TEX55: variants seen among roughly 807,000 people sequenced by gnomAD.
The protein encoded by TEX55 is testis expressed 55, also known as testis-specific expressed protein 55.
TEX55 carries 31 observed loss-of-function variants against 44.6 expected under a neutral mutation model. The ratio of observed to expected loss-of-function variants is 0.69; its 90% confidence interval spans 0.52 to 0.94. The LOEUF is 0.94. Ranked by LOEUF, TEX55 falls within the 40% of genes least tolerant of loss-of-function variation. TEX55 has a pLI of 0.00. For synonymous variants in TEX55, 230 were observed against 230.9 expected, an observed-to-expected ratio of 1.00 and a Z score of 0.04; for missense variants, 639 against 638.4, an observed-to-expected ratio of 1.00 and a Z score of -0.01.
In TEX55 at chr3:119,146,247, G is replaced by A. The variant is rs559349551; in HGVS notation, c.58G>A (p.Ala20Thr). The A allele has an allele frequency of 6.2e-7, 1 of 1,613,166 alleles. No individual in the cohort carries two copies. The highest frequency in any genetic ancestry group is 2.2e-5 in the East Asian group (1 of 44,806). The change falls in exon 1 of 3, where the codon GCT becomes ACT. Residue 20 changes from alanine to threonine, a missense_variant. Coordinates refer to ENST00000295622, the MANE Select transcript of TEX55 (RefSeq NM_152539.3). ...ACCCTTGAAACATGAAAGCCCAGCC[G>A]CTCCCTCAAGTGCTGGCCACACTAA... ...AEPLKHESPA[A>T]PSSAGHTKGQ...
chr3:119,150,319 T>C (rs1270830377), intron 2 of TEX55, among the ~76,000 whole-genome samples: 1 of 75,054 alleles, frequency 1.3e-5, no homozygotes, highest in Non-Finnish European at 2.8e-5. Context: ...ATTTTATAAT[T>C]TTCTTCACCT....
chr3:119,151,436 A>C lies in TEX55; in HGVS notation c.*144A>C. The C allele has an allele frequency of 3.4e-6, 2 of 596,206 alleles. No homozygotes were observed. The highest frequency in any genetic ancestry group is 5.6e-6 in the Non-Finnish European group (2 of 357,910). 36.9% of individuals were successfully genotyped at this position (596,206 alleles called of 1,614,324 possible). On this transcript the variant is annotated 3_prime_UTR_variant, in exon 3 of 3. Coordinates refer to ENST00000295622, the MANE Select transcript of TEX55 (RefSeq NM_152539.3). ...TAACTACCATTCAAGTTTTTAAAAA[A>C]TAAATAAAACATAACCAGCATCCCA...
intron 2 of TEX55, among the ~76,000 whole-genome samples, chr3:119,150,287 T>C (rs1025278248): frequency 4.6e-5 from 7 of 152,116 alleles, no homozygotes; most frequent in South Asian, 2.1e-4. Flanking sequence ...GAGACTTCCA[T>C]TGAGACAGTA....
In TEX55 at chr3:119,146,516, AC is replaced by A. The variant is rs773087099; in HGVS notation, c.329del (p.Pro110ArgfsTer28). 6.2e-6 allele frequency: 10 copies of A among 1,613,994 alleles called. No individual in the cohort carries two copies. The East Asian group carries it at 2.2e-4, about 36-fold the overall frequency. Reference protein sequence around the residue: ...LRADDQVNQTPSEQTKGKASS... With the variant: ...LRADDQVNQTXSEQTKGKASS... Reference sequence around the variant, plus strand: ...GAGCAGATGATCAGGTTAATCAAACACCGTCTGAACAGACTAAAGGCAAGGC... The same window carrying A: ...GAGCAGATGATCAGGTTAATCAAACACGTCTGAACAGACTAAAGGCAAGGC... On this transcript the variant is annotated frameshift_variant, in exon 1 of 3. Transcript: ENST00000295622. LOFTEE classifies it high-confidence loss of function.
Position 119,151,411 on chromosome 3 carries a change from T to C in TEX55, c.*119T>C. On this transcript the variant is annotated 3_prime_UTR_variant, in exon 3 of 3. Transcript: ENST00000295622. ...AATTCTTATGAAGTAAACATACCTG[T>C]AACTACCATTCAAGTTTTTAAAAAA... The C allele has an allele frequency of 1.4e-6, 1 of 726,288 alleles. No individual in the cohort carries two copies. Among genetic ancestry groups the C allele is most frequent in the Non-Finnish European group, 2.2e-6 (1 of 452,432 alleles). 45.0% of individuals were successfully genotyped at this position (726,288 alleles called of 1,614,324 possible). A position where few individuals can be genotyped will look rare whatever the true frequency, so the allele number is the denominator to read the frequency against.
intron 2 of TEX55, 137 bp from the exon 3 acceptor site, chr3:119,151,087 C>T: frequency 3.1e-6 from 2 of 645,636 alleles, no homozygotes; most frequent in Non-Finnish European, 5.6e-6. Context: ...TCTTGGGTGA[C>T]AGAGTGGGAA....
intron 1 of TEX55, 73 bp downstream of exon 1, chr3:119,147,660 G>C (rs765380942): frequency 7.7e-7 from 1 of 1,299,440 alleles, no homozygotes; most frequent in Non-Finnish European, 1.1e-6. Flanking sequence ...GTAAAAATAG[G>C]GGTACAACGG....
At chr3:119,148,531 T>C (rs2077752330) in intron 2 of TEX55, among the ~76,000 whole-genome samples, 1 of 152,090 alleles carries the variant, frequency 6.6e-6, no homozygotes, top group African/African-American at 2.4e-5. Context: ...GGTTGGTTGA[T>C]AGGGAAAAAC....
intron 2 of TEX55, among the ~76,000 whole-genome samples, chr3:119,149,858 A>G (rs561089089): frequency 6.6e-6 from 1 of 152,314 alleles, no homozygotes; most frequent in South Asian, 2.1e-4. Context: ...ATATACTTTA[A>G]AATTGCTTCT....
rs754105345 is a variant in TEX55, at chr3:119,147,544, A to G, written c.1355A>G (p.Tyr452Cys). The G allele has an allele frequency of 1.3e-5, 21 of 1,613,108 alleles. No homozygotes were observed. The highest frequency in any genetic ancestry group is 1.8e-5 in the Non-Finnish European group (21 of 1,179,846). Residue 452 changes from tyrosine (Y) to cysteine (C), a missense_variant, in exon 1 of 3, where the codon TAT (tyrosine) becomes TGT (cysteine). Physicochemically the swap from Tyr to Cys is radical, Grantham distance 194 (BLOSUM62 -2). Coordinates refer to ENST00000295622, the MANE Select transcript of TEX55 (RefSeq NM_152539.3). ...RLPSISSKLNYTSSQEKTQAI... is the reference protein window; with the variant it reads ...RLPSISSKLNCTSSQEKTQAI... ...CCCTCCATCTCATCCAAATTGAACT[A>G]TACCAGCAGTCAAGAAAAAACTCAA...
At chr3:119,147,677 A>C in intron 1 of TEX55, 90 bp downstream of exon 1, 1 of 1,054,440 alleles carries the variant, frequency 9.5e-7, no homozygotes, top group East Asian at 2.4e-5. Context: ...ACGGAAGGGC[A>C]CATGTTGCAT....
chr3:119,147,888 T>C lies in TEX55; in HGVS notation c.1399-292T>C, dbSNP rs150293157. 6.6e-4 allele frequency among the ~76,000 whole-genome samples: 100 copies of C among 152,322 alleles called. No homozygotes were observed. In the East Asian group the frequency reaches 0.018, roughly 28 times the overall value. The stretch of plus-strand genomic sequence containing the variant: ...AACTAACTCTGTGATATTAAGTCAT[T>C]TTCCCTCTCTGGGCTTCTACCAGGA... On this transcript the variant is annotated intron_variant, in intron 1 of 2. Transcript: ENST00000295622.
chr3:119,146,536 G>A lies in TEX55; in HGVS notation c.347G>A (p.Gly116Asp). ...CAAACACCGTCTGAACAGACTAAAG[G>A]CAAGGCATCTAGCCAAGCTAATAAT... ...VNQTPSEQTK[G>D]KASSQANNVQ... Residue 116 changes from glycine (G) to aspartate (D), a missense_variant, in exon 1 of 3, where the codon GGC (glycine) becomes GAC (aspartate). Coordinates refer to ENST00000295622, the MANE Select transcript of TEX55 (RefSeq NM_152539.3). 6.2e-7 allele frequency: 1 copy of A among 1,613,954 alleles called. No homozygotes were observed. The highest frequency in any genetic ancestry group is 1.7e-5 in the Admixed American group (1 of 60,016).
Position 119,147,418 on chromosome 3 carries a change from T to G in TEX55, c.1229T>G (p.Met410Arg). 6.2e-7 allele frequency: 1 copy of G among 1,614,146 alleles called. No individual in the cohort carries two copies. Among genetic ancestry groups the G allele is most frequent in the Non-Finnish European group, 8.5e-7 (1 of 1,180,038 alleles). The change falls in exon 1 of 3, where the codon ATG becomes AGG. Residue 410 changes from methionine (M) to arginine (R), a missense_variant. Met to Arg is a moderately conservative substitution (Grantham distance 91, BLOSUM62 -1). Transcript: ENST00000295622. ...VDLNSKPSVE[M>R]ETQNATTIPP... ...CTCAATTCCAAGCCTTCAGTTGAAA[T>G]GGAAACTCAGAATGCAACCACTATC... is the stretch of plus-strand genomic sequence containing the variant.
In TEX55 at chr3:119,151,233, G is replaced by A. The variant is rs1243579694; in HGVS notation, c.1552G>A (p.Glu518Lys). Reference protein sequence around the residue: ...HILQIFQQITENLVYEKPEDP... With the variant: ...HILQIFQQITKNLVYEKPEDP... ...ATGCTCTCTTTCTCAGCAGATTACT[G>A]AAAACTTAGTCTATGAAAAGCCAGA... The change falls in exon 3 of 3, where the codon GAA becomes AAA. Residue 518 changes from glutamate (E) to lysine (K), a missense_variant. Transcript: ENST00000295622. 1 of 1,610,516 alleles carries A rather than the reference G, an allele frequency of 6.2e-7. No individual in the cohort carries two copies. The highest frequency in any genetic ancestry group is 1.3e-5 in the African/African-American group (1 of 74,798).
In TEX55 at chr3:119,148,270, T is replaced by A. The variant is rs2077749651; in HGVS notation, c.1489T>A (p.Tyr497Asn). 6.2e-7 allele frequency: 1 copy of A among 1,612,910 alleles called. No individual in the cohort carries two copies. The stretch of plus-strand genomic sequence containing the variant: ...CCCTTCTATAGTTTATGAAGATCCT[T>A]ACCAAGTTTCACTCCAATACATGGA... ...RFPSIVYEDPYQVSLQYMEKH... is the reference protein window; with the variant it reads ...RFPSIVYEDPNQVSLQYMEKH... Residue 497 changes from tyrosine to asparagine, a missense_variant, in exon 2 of 3, where the codon TAC becomes AAC. Tyr to Asn is a moderately radical substitution (Grantham distance 143). Transcript: ENST00000295622.
chr3:119,148,385 T>G, intron 2 of TEX55, 62 bp downstream of exon 2: 2 of 1,490,910 alleles, frequency 1.3e-6, no homozygotes, highest in Non-Finnish European at 1.8e-6. Flanking sequence ...AAAGAGTGTA[T>G]TCTGTAAAAA....
rs759549022 is a variant in TEX55 at position 119,151,238 on chromosome 3, C to T, written c.1557C>T (p.Asn519=). ...ILQIFQQITE[N]LVYEKPEDPL... Reference sequence around the variant, plus strand: ...CTCTTTCTCAGCAGATTACTGAAAACTTAGTCTATGAAAAGCCAGAGGACC... The same window carrying T: ...CTCTTTCTCAGCAGATTACTGAAAATTTAGTCTATGAAAAGCCAGAGGACC... Residue 519 remains asparagine (N), a synonymous_variant, in exon 3 of 3, where the codon AAC becomes AAT. Coordinates refer to ENST00000295622, the MANE Select transcript of TEX55 (RefSeq NM_152539.3). 1 of 1,611,928 alleles carries T rather than the reference C, an allele frequency of 6.2e-7. No individual in the cohort carries two copies.
Position 119,147,239 on chromosome 3 carries a change from A to AAT in TEX55, c.1050_1051insAT (p.Asp351MetfsTer28). Reference sequence around the variant, plus strand: ...AATCTGACCAGACTGACCACTTAGCAGACAGACAAGCTAATCATAAAGACC... The same window carrying AAT: ...AATCTGACCAGACTGACCACTTAGCAATGACAGACAAGCTAATCATAAAGACC... On this transcript the variant is annotated frameshift_variant, in exon 1 of 3. Transcript: ENST00000295622. LOFTEE classifies it high-confidence loss of function. 6.2e-7 allele frequency: 1 copy of AAT among 1,614,220 alleles called. No homozygotes were observed. The highest frequency in any genetic ancestry group is 8.5e-7 in the Non-Finnish European group (1 of 1,180,036).
Sources: gnomAD v4.1 joint callset for allele counts (sites outside exome capture counted in the v4.1 genomes callset) on GRCh38, gnomAD v4.1.1 for gene constraint, MANE v1.5 for transcripts, NCBI Gene and HGNC (gene_info 2026-07-23, HGNC 2026-07-21) for gene names.